USP21: variants seen among roughly 807,000 people sequenced by gnomAD.
USP21 encodes ubiquitin specific peptidase 21, also known as ubiquitin carboxyl-terminal hydrolase 21.
Under a neutral mutation model 70.8 loss-of-function variants are expected in USP21, and 37 were observed. That is an observed-to-expected ratio of 0.52 (90% CI 0.40 to 0.69). The LOEUF (loss-of-function observed/expected upper bound fraction) is 0.69. Among genes scored for constraint, USP21 ranks in the 30% least tolerant of loss-of-function variants. The probability of loss-of-function intolerance (pLI) is 0.00; values close to 1 mark genes in which losing one functional copy is unlikely to be tolerated. For synonymous variants in USP21, 263 were observed against 283.1 expected, an observed-to-expected ratio of 0.93 and a Z score of 0.71; for missense variants, 584 against 740.8, an observed-to-expected ratio of 0.79 and a Z score of 2.46.
In USP21 at chr1:161,160,780, C is replaced by G. The variant is rs752802166; in HGVS notation, c.140C>G (p.Pro47Arg). The G allele has an allele frequency of 6.2e-7, 1 of 1,614,224 alleles. No individual in the cohort carries two copies. The highest frequency in any genetic ancestry group is 1.3e-5 in the African/African-American group (1 of 75,070). ...ERRNPASGPN[P>R]MLRPLPPRPG... ...AGAAACCCAGCCTCTGGGCCAAACC[C>G]CATGTTACGACCTCTGCCTCCCCGG... Residue 47 changes from proline (P) to arginine (R), a missense_variant, in exon 3 of 14, where the codon CCC (proline) becomes CGC (arginine). Physicochemically the swap from Pro to Arg is moderately radical, Grantham distance 103. This residue lies in a region of USP21 where 284 missense variants were observed against 281.0 expected (regional missense o/e 1.01). Coordinates refer to ENST00000368002, the MANE Select transcript of USP21 (RefSeq NM_001014443.3).
Position 161,162,846 on chromosome 1 carries a change from A to G in USP21, c.894-73A>G. 2 of 1,590,792 alleles carry G rather than the reference A, an allele frequency of 1.3e-6. No individual in the cohort carries two copies. Among genetic ancestry groups the G allele is most frequent in the South Asian group, 2.2e-5 (2 of 89,624 alleles). On this transcript the variant is annotated intron_variant, in intron 6 of 13. Transcript: ENST00000368002. The surrounding 1 kb of genome is among the most constrained non-coding windows in gnomAD (Gnocchi z 4.1). ...GTTCTTCATCCAGGAAGTGGGGACC[A>G]ATATCTGGGCAGGGAATAGTGTCTG...
rs865938309 is a variant in USP21 at position 161,164,942 on chromosome 1, G to A, written c.1492G>A (p.Gly498Arg). Reference protein sequence around the residue: ...SLGDFASDKAGSPVYQLYALC... With the variant: ...SLGDFASDKARSPVYQLYALC... ...AGGGGACTTTGCCAGTGACAAAGCC[G>A]GTGAGTCTGGTGGGGAAAGTCCTAA... The change falls in exon 12 of 14, where the codon GGA becomes AGA. Residue 498 changes from glycine (G) to arginine (R), a missense_variant and splice_region_variant. By Grantham distance (125) the Gly-to-Arg change is moderately radical. Around this residue, in one of 4 missense-constraint regions of USP21, gnomAD observed 173 missense variants for 268.2 expected, o/e 0.65. Coordinates refer to ENST00000368002, the MANE Select transcript of USP21 (RefSeq NM_001014443.3). The surrounding 1 kb of genome is among the most constrained non-coding windows in gnomAD (Gnocchi z 4.2). 1 of 1,613,796 alleles carries A rather than the reference G, an allele frequency of 6.2e-7. No individual in the cohort carries two copies. The highest frequency in any genetic ancestry group is 8.5e-7 in the Non-Finnish European group (1 of 1,179,766).
chr1:161,161,442 T>C lies in USP21; in HGVS notation c.600+202T>C. Reference sequence around the variant, plus strand: ...GGTTGTTGGTGACTCTTCAGCATGGTGTGCCATTTCGGTCCCCAGGGGATT... The same window carrying C: ...GGTTGTTGGTGACTCTTCAGCATGGCGTGCCATTTCGGTCCCCAGGGGATT... On this transcript the variant is annotated intron_variant, in intron 3 of 13. Transcript: ENST00000368002. This position sits in a 1 kb window ranked among gnomAD's most constrained non-coding sequence, Gnocchi z 4.2. 1.6e-6 allele frequency: 1 copy of C among 616,244 alleles called. No homozygotes were observed. The highest frequency in any genetic ancestry group is 2.7e-6 in the Non-Finnish European group (1 of 369,974). 38.2% of individuals were successfully genotyped at this position (616,244 alleles called of 1,614,324 possible). A position where few individuals can be genotyped will look rare whatever the true frequency, so the allele number is the denominator to read the frequency against.
Position 161,164,670 on chromosome 1 carries a change from C to A in USP21, c.1384+58C>A. The A allele has an allele frequency of 6.2e-7, 1 of 1,610,018 alleles. No homozygotes were observed. ...GGATACCTCCCATACATTCTCTTTCCTCCATGTTTCCAGAGAATTGAATTT... is the reference window on the plus strand; with the variant it reads ...GGATACCTCCCATACATTCTCTTTCATCCATGTTTCCAGAGAATTGAATTT... On this transcript the variant is annotated intron_variant, in intron 11 of 13. Coordinates refer to ENST00000368002, the MANE Select transcript of USP21 (RefSeq NM_001014443.3). This position sits in a 1 kb window ranked among gnomAD's most constrained non-coding sequence, Gnocchi z 4.2.
At position 161,162,807 on chromosome 1, in the gene USP21, C is replaced by A; in HGVS notation, c.893+81C>A. 6.3e-7 allele frequency: 1 copy of A among 1,579,228 alleles called. No individual in the cohort carries two copies. The highest frequency in any genetic ancestry group is 8.7e-7 in the Non-Finnish European group (1 of 1,149,586). On this transcript the variant is annotated intron_variant, in intron 6 of 13. Transcript: ENST00000368002. This position sits in a 1 kb window ranked among gnomAD's most constrained non-coding sequence, Gnocchi z 4.1. ...AAGCAAGGGCCCTGGCAGCATTGTT[C>A]TGAGCCTTGAGATGTTCTTCATCCA...
At chr1:161,159,887 G>T (rs990793768) in intron 1 of USP21, among the ~76,000 whole-genome samples, 4 of 152,216 alleles carry the variant, frequency 2.6e-5, no homozygotes, top group Non-Finnish European at 2.9e-5. Flanking sequence ...TGCCCTCGAG[G>T]GGGGCGGACC....
chr1:161,160,140 A>G (rs1420869123), intron 1 of USP21, among the ~76,000 whole-genome samples: 2 of 152,148 alleles, frequency 1.3e-5, no homozygotes, highest in African/African-American at 4.8e-5. Flanking sequence ...CCATTTGGCT[A>G]GGGTCTTAAG....
rs1342643103 is a variant in USP21, at chr1:161,164,490, A to G, written c.1306-44A>G. 7 of 1,610,506 alleles carry G rather than the reference A, an allele frequency of 4.3e-6. No individual in the cohort carries two copies. The highest frequency in any genetic ancestry group is 5.9e-6 in the Non-Finnish European group (7 of 1,176,878). On this transcript the variant is annotated intron_variant, in intron 10 of 13. Transcript: ENST00000368002. The surrounding 1 kb of genome is among the most constrained non-coding windows in gnomAD (Gnocchi z 4.2). ...ATCGGGGTGTCAGAAAAGCCAATTGAGGTTAGGAGCATATTAACCTAACAC... is the reference window on the plus strand; with the variant it reads ...ATCGGGGTGTCAGAAAAGCCAATTGGGGTTAGGAGCATATTAACCTAACAC...
chr1:161,163,533 C>T (rs776928077), intron 7 of USP21, 22 bp from the exon 8 acceptor site: 15 of 1,613,398 alleles, frequency 9.3e-6, no homozygotes, highest in African/African-American at 2.7e-5. Context: ...GGGTGCTCCC[C>T]ACTTCCTTTG....
Position 161,160,912 on chromosome 1 carries a change from C to G in USP21, c.272C>G (p.Pro91Arg), listed in dbSNP as rs1422204303. Residue 91 changes from proline (P) to arginine (R), a missense_variant, in exon 3 of 14, where the codon CCT (proline) becomes CGT (arginine). Coordinates refer to ENST00000368002, the MANE Select transcript of USP21 (RefSeq NM_001014443.3). The part of the protein sequence containing the change: ...PLRADHGVPL[P>R]GSPPPTVALP... The stretch of plus-strand genomic sequence containing the variant: ...CGAGCAGATCATGGGGTTCCCCTGC[C>G]TGGCTCACCACCCCCAACAGTGGCT... 1 of 1,614,160 alleles carries G rather than the reference C, an allele frequency of 6.2e-7. No individual in the cohort carries two copies. The highest frequency in any genetic ancestry group is 8.5e-7 in the Non-Finnish European group (1 of 1,180,052).
Position 161,162,392 on chromosome 1 carries a change from TG to T in USP21, c.781+6del. 1 of 1,602,836 alleles carries T rather than the reference TG, an allele frequency of 6.2e-7. No individual in the cohort carries two copies. The highest frequency in any genetic ancestry group is 1.7e-5 in the Admixed American group (1 of 58,428). On this transcript the variant is annotated splice_donor_region_variant and intron_variant, in intron 5 of 13. Coordinates refer to ENST00000368002, the MANE Select transcript of USP21 (RefSeq NM_001014443.3). The surrounding 1 kb of genome is among the most constrained non-coding windows in gnomAD (Gnocchi z 4.1). ...GCCGAGCCCAAGAGCTCACTGAAGG[TG>T]GGGCAACAACTCCTGCTCCCTCTGT...
Position 161,162,181 on chromosome 1 carries a change from G to C in USP21, c.660+84G>C. Reference sequence around the variant, plus strand: ...GGGGAAAACCCACGAGCTTGGGGAAGGCATGTGGAAGGAGAGCTCTGAAGC... The same window carrying C: ...GGGGAAAACCCACGAGCTTGGGGAACGCATGTGGAAGGAGAGCTCTGAAGC... On this transcript the variant is annotated intron_variant, in intron 4 of 13. Transcript: ENST00000368002. This position sits in a 1 kb window ranked among gnomAD's most constrained non-coding sequence, Gnocchi z 4.1. 1 of 1,613,136 alleles carries C rather than the reference G, an allele frequency of 6.2e-7. No individual in the cohort carries two copies. Among genetic ancestry groups the C allele is most frequent in the African/African-American group, 1.3e-5 (1 of 75,026 alleles).
In USP21 at chr1:161,165,140, C is replaced by G. The variant is rs1658483420; in HGVS notation, c.1604C>G (p.Ser535Cys). ...CQTGWHVYND[S>C]RVSPVSENQV... ...ACTGGTTGGCATGTCTACAATGACT[C>G]TCGGTGAGAATAGCCTCCTATTTAC... is the stretch of plus-strand genomic sequence containing the variant. The change falls in exon 13 of 14, where the codon TCT (serine) becomes TGT (cysteine). Residue 535 changes from serine (S) to cysteine (C), a missense_variant. Ser to Cys is a moderately radical substitution (Grantham distance 112). This residue lies in a region of USP21 where 173 missense variants were observed against 268.2 expected (regional missense o/e 0.65). Transcript: ENST00000368002. 4 of 1,613,206 alleles carry G rather than the reference C, an allele frequency of 2.5e-6. No homozygotes were observed. Among genetic ancestry groups the G allele is most frequent in the East Asian group, 2.2e-5 (1 of 44,890 alleles).
rs936759820 is a variant in USP21, at chr1:161,159,539, G to C, written c.-302G>C. On this transcript the variant is annotated 5_prime_UTR_variant, in exon 1 of 14. Transcript: ENST00000368002. ...ACCAACAAAGATGGCGGCGGCCCCT[G>C]CGGCGGGAGCGATCTGGGCAACGGC... The C allele has an allele frequency of 6.6e-6, 1 of 152,576 alleles. No homozygotes were observed. The highest frequency in any genetic ancestry group is 2.4e-5 in the African/African-American group (1 of 41,460). The allele number at this position is 152,576 out of a possible 1,614,324, so 9.5% of individuals were successfully genotyped here.
intron 7 of USP21, among the ~76,000 whole-genome samples, chr1:161,163,331 C>T (rs1030332971): frequency 3.9e-5 from 6 of 152,220 alleles, no homozygotes; most frequent in Admixed American, 3.9e-4. Flanking sequence ...TAGAGGAAGA[C>T]AGCATATTCT....
At chr1:161,163,195 T>C in intron 7 of USP21, 121 bp downstream of exon 7, 1 of 1,239,940 alleles carries the variant, frequency 8.1e-7, no homozygotes, top group Non-Finnish European at 1.1e-6. Flanking sequence ...GTATAGAAAA[T>C]AGTATGAGAA....
In USP21 at chr1:161,165,382, G is replaced by A; in HGVS notation, c.1633G>A (p.Val545Met). Residue 545 changes from valine (V) to methionine (M), a missense_variant, in exon 14 of 14, where the codon GTG becomes ATG. Physicochemically the swap from Val to Met is conservative, Grantham distance 21. Around this residue, in one of 4 missense-constraint regions of USP21, gnomAD observed 173 missense variants for 268.2 expected, o/e 0.65. Transcript: ENST00000368002. ...TGTCTCCCCTGTCAGTGAAAACCAG[G>A]TGGCATCCAGCGAGGGCTACGTGCT... ...SRVSPVSENQVASSEGYVLFY... is the reference protein window; with the variant it reads ...SRVSPVSENQMASSEGYVLFY... 6.2e-7 allele frequency: 1 copy of A among 1,614,076 alleles called. No individual in the cohort carries two copies. Among genetic ancestry groups the A allele is most frequent in the Non-Finnish European group, 8.5e-7 (1 of 1,180,004 alleles).
In USP21 at chr1:161,161,055, C is replaced by G; in HGVS notation, c.415C>G (p.Leu139Val). 1 of 1,614,250 alleles carries G rather than the reference C, an allele frequency of 6.2e-7. No homozygotes were observed. Among genetic ancestry groups the G allele is most frequent in the Non-Finnish European group, 8.5e-7 (1 of 1,180,040 alleles). ...HRGTGELGAA[L>V]SRLALRPEPP... Reference sequence around the variant, plus strand: ...TGGCACCGGAGAGCTTGGGGCTGCACTGAGCCGCTTGGCCCTCCGGCCTGA... The same window carrying G: ...TGGCACCGGAGAGCTTGGGGCTGCAGTGAGCCGCTTGGCCCTCCGGCCTGA... The change falls in exon 3 of 14, where the codon CTG becomes GTG. Residue 139 changes from leucine (L) to valine (V), a missense_variant. Around this residue, in one of 4 missense-constraint regions of USP21, gnomAD observed 284 missense variants for 281.0 expected, o/e 1.01. Transcript: ENST00000368002. This position sits in a 1 kb window ranked among gnomAD's most constrained non-coding sequence, Gnocchi z 4.2.
At position 161,162,051 on chromosome 1, in the gene USP21, T is replaced by A. The variant is rs1657966773; in HGVS notation, c.614T>A (p.Leu205His). ...YSDDKMAHHT[L>H]LLGSGHVGLR... is the part of the protein sequence containing the mutation. ...CTGACCTTCCAGGCTCATCACACAC[T>A]CCTTCTGGGCTCTGGTCATGTTGGC... Residue 205 changes from leucine to histidine, a missense_variant, in exon 4 of 14, where the codon CTC becomes CAC. Physicochemically the swap from Leu to His is moderately conservative, Grantham distance 99. Transcript: ENST00000368002. This position sits in a 1 kb window ranked among gnomAD's most constrained non-coding sequence, Gnocchi z 4.1. 1 of 1,614,016 alleles carries A rather than the reference T, an allele frequency of 6.2e-7. No homozygotes were observed. The highest frequency in any genetic ancestry group is 8.5e-7 in the Non-Finnish European group (1 of 1,180,020).
Sources: gnomAD v4.1 joint callset for allele counts (sites outside exome capture counted in the v4.1 genomes callset) on GRCh38, gnomAD v4.1.1 for gene constraint, gnomAD v4.1.1 regional missense constraint, Gnocchi (gnomAD v3.1) non-coding constraint, MANE v1.5 for transcripts, NCBI Gene and HGNC (gene_info 2026-07-23, HGNC 2026-07-21) for gene names.